Variants in MACROD1 observed in about 807,000 individuals in gnomAD.
MACROD1 encodes the protein ADP-ribose glycohydrolase MACROD1.
MACROD1 carries 31 observed loss-of-function variants against 41.4 expected under a neutral mutation model. That is an observed-to-expected ratio of 0.75 (90% confidence interval 0.56 to 1.01). The LOEUF (loss-of-function observed/expected upper bound fraction) is 1.01, where lower values mean the gene tolerates loss of function less well. Ranked by LOEUF, MACROD1 falls within the 50% of genes least tolerant of loss-of-function variation. The pLI is 0.00. For missense variants in MACROD1, 473 were observed against 460.0 expected (o/e 1.03, Z -0.26); for synonymous variants, 252 against 203.4 (o/e 1.24, Z -2.03).
chr11:64,079,371 C>T (rs755691137), intron 3 of MACROD1, among the ~76,000 whole-genome samples: 1 of 144,338 alleles, frequency 6.9e-6, no homozygotes, highest in Non-Finnish European at 1.5e-5. Flanking sequence ...AGATTTGGAG[C>T]AAGGGATGAT....
At chr11:64,135,876 G>A (rs1945324594) in intron 3 of MACROD1, among the ~76,000 whole-genome samples, 1 of 152,298 alleles carries the variant, frequency 6.6e-6, no homozygotes, top group Admixed American at 6.5e-5. Flanking sequence ...TTGGCACCCC[G>A]CGCCTGCCCT....
chr11:64,086,700 G>A (rs1468410318), intron 3 of MACROD1, among the ~76,000 whole-genome samples: 1 of 152,154 alleles, frequency 6.6e-6, no homozygotes, highest in Non-Finnish European at 1.5e-5. Flanking sequence ...ACAGAGAGGG[G>A]GAGAAGGGCA....
At chr11:64,135,515 T>C (rs72918491) in intron 3 of MACROD1, among the ~76,000 whole-genome samples, 6,574 of 152,312 alleles carry the variant, frequency 0.043, 177 homozygotes, top group Non-Finnish European at 0.064. Flanking sequence ...GAACCATCCC[T>C]GCATTTTATT....
chr11:64,065,449 A>G (rs1943980996), intron 3 of MACROD1, among the ~76,000 whole-genome samples: 1 of 152,150 alleles, frequency 6.6e-6, no homozygotes, highest in Non-Finnish European at 1.5e-5. Flanking sequence ...GAGGCTCCAG[A>G]GAGCCTGGCA....
Position 64,127,237 on chromosome 11 carries a change from C to T in MACROD1, c.517+24002G>A, listed in dbSNP as rs115077210. ...TTTGTCTATTTTCATAGAAAATGTC[C>T]AAGTCCACTTGCCTTGTTCTTTCTT... On this transcript the variant is annotated intron_variant, in intron 3 of 10. Transcript: ENST00000255681. Among the ~76,000 whole-genome samples, 555 of 152,356 alleles carry T rather than the reference C, an allele frequency of 3.6e-3. 1 individual carries two copies. Among genetic ancestry groups the T allele is most frequent in the African/African-American group, 0.013 (543 of 41,576 alleles).
intron 10 of MACROD1, 69 bp from the exon 11 acceptor site, chr11:63,998,756 C>T (rs1423493176): frequency 4.9e-6 from 7 of 1,425,194 alleles, no homozygotes; most frequent in Non-Finnish European, 6.4e-6. Context: ...CGTGGTTTCC[C>T]GCCCTGCTTG....
At position 64,120,792 on chromosome 11, in the gene MACROD1, C is replaced by T. The variant is rs925626396; in HGVS notation, c.517+30447G>A. Reference sequence around the variant, plus strand: ...AGGAGAGCGTGCCCGAGGTGTGCCACGTTGGCACAGGGGACAGAAGTCCCA... The same window carrying T: ...AGGAGAGCGTGCCCGAGGTGTGCCATGTTGGCACAGGGGACAGAAGTCCCA... On this transcript the variant is annotated intron_variant, in intron 3 of 10. Transcript: ENST00000255681. This position sits in a 1 kb window ranked among gnomAD's most constrained non-coding sequence, Gnocchi z 4.5. Among the ~76,000 whole-genome samples, 7 of 152,096 alleles carry T rather than the reference C, an allele frequency of 4.6e-5. 1 individual carries two copies. Among genetic ancestry groups the T allele is most frequent in the Non-Finnish European group, 1.0e-4 (7 of 68,000 alleles).
rs76253932 is a variant in MACROD1 at position 64,097,681 on chromosome 11, C to T, written c.517+53558G>A. 2.7e-3 allele frequency among the ~76,000 whole-genome samples: 409 copies of T among 152,366 alleles called. 6 individuals carry two copies. The East Asian group carries it at 0.06, about 22-fold the overall frequency. ...CACCACACAAGCAGGCTCTCGCCTC[C>T]GCCTCTTCTCACCCTGCTACTCGGG... On this transcript the variant is annotated intron_variant, in intron 3 of 10. Transcript: ENST00000255681.
chr11:63,998,975 A>C lies in MACROD1; in HGVS notation c.953T>G (p.Leu318Arg), dbSNP rs1262895155. ...EKDEDIYRSR[L>R]PHYFPVA Reference sequence around the variant, plus strand: ...CGTACCCACGGGGAAGTAGTGGGGGAGCCGGCTCCGGTAGATGTCCTCGTC... The same window carrying C: ...CGTACCCACGGGGAAGTAGTGGGGGCGCCGGCTCCGGTAGATGTCCTCGTC... The change falls in exon 9 of 11, where the codon CTC becomes CGC. Residue 318 changes from leucine (L) to arginine (R), a missense_variant. By Grantham distance (102) the Leu-to-Arg change is moderately radical. Coordinates refer to ENST00000255681, the MANE Select transcript of MACROD1 (RefSeq NM_014067.4). 7 of 1,604,246 alleles carry C rather than the reference A, an allele frequency of 4.4e-6. No homozygotes were observed. The highest frequency in any genetic ancestry group is 5.1e-6 in the Non-Finnish European group (6 of 1,177,076).
At chr11:64,023,860 C>T (rs560286786) in intron 3 of MACROD1, among the ~76,000 whole-genome samples, 6 of 152,232 alleles carry the variant, frequency 3.9e-5, no homozygotes, top group Non-Finnish European at 7.3e-5. Flanking sequence ...CCATAAAAGC[C>T]TCACAGTTCA....
intron 4 of MACROD1, among the ~76,000 whole-genome samples, chr11:64,004,182 CTGTGCGCCTCCCATGGAAGGATGT>C (rs1300154456): frequency 6.6e-6 from 1 of 152,212 alleles, no homozygotes; most frequent in Non-Finnish European, 1.5e-5. Context: ...AGCCCAGCAT[CTGTGCGCCTCCCATGGAAGGATGT>C]TGTGGAAGGA....
intron 3 of MACROD1, among the ~76,000 whole-genome samples, chr11:64,143,228 A>G (rs1011188737): frequency 2.0e-5 from 3 of 152,124 alleles, no homozygotes; most frequent in Non-Finnish European, 2.9e-5. Context: ...AAAGAAAGAA[A>G]AAAACCTGAT....
intron 4 of MACROD1, among the ~76,000 whole-genome samples, chr11:64,012,398 C>A (rs960791402): frequency 7.6e-6 from 1 of 131,028 alleles, no homozygotes; most frequent in Non-Finnish European, 1.5e-5. Context: ...TTCATTCATT[C>A]AATAAACTTT....
At chr11:64,021,883 C>G (rs1943157143) in intron 3 of MACROD1, among the ~76,000 whole-genome samples, 1 of 145,274 alleles carries the variant, frequency 6.9e-6, no homozygotes, top group Non-Finnish European at 1.5e-5. Context: ...CACAAGAATC[C>G]CTGTGAGTGC....
At chr11:64,066,941 C>A (rs1406739804) in intron 3 of MACROD1, among the ~76,000 whole-genome samples, 1 of 152,214 alleles carries the variant, frequency 6.6e-6, no homozygotes, top group Non-Finnish European at 1.5e-5. Context: ...AGGTGCTGCC[C>A]GCCCCAGTGC....
At chr11:64,069,682 G>A (rs944627707) in intron 3 of MACROD1, among the ~76,000 whole-genome samples, 1 of 152,146 alleles carries the variant, frequency 6.6e-6, no homozygotes, top group African/African-American at 2.4e-5. Flanking sequence ...TCCCTGCAGG[G>A]GCACAGGCAG....
intron 3 of MACROD1, among the ~76,000 whole-genome samples, chr11:64,132,904 T>A (rs1292556526): frequency 6.6e-6 from 1 of 152,130 alleles, no homozygotes; most frequent in Non-Finnish European, 1.5e-5. Flanking sequence ...AAGGCCCAGA[T>A]CTAAGCAGCT....
chr11:64,159,703 A>G (rs1376800176), intron 1 of MACROD1, among the ~76,000 whole-genome samples: 2 of 152,054 alleles, frequency 1.3e-5, no homozygotes, highest in African/African-American at 2.4e-5. Flanking sequence ...CTGAGGCAGG[A>G]TAATTGCCTG....
At chr11:64,097,853 G>A (rs1231906110) in intron 3 of MACROD1, among the ~76,000 whole-genome samples, 1 of 152,128 alleles carries the variant, frequency 6.6e-6, no homozygotes, top group Non-Finnish European at 1.5e-5. Flanking sequence ...TCAGGACCAG[G>A]CTTGGAGCCC....
Sources: allele counts gnomAD v4.1 joint callset (sites outside exome capture counted in the v4.1 genomes callset), GRCh38; gene constraint gnomAD v4.1.1; non-coding constraint Gnocchi (gnomAD v3.1); transcripts MANE v1.5; gene names NCBI Gene and HGNC (gene_info 2026-07-23, HGNC 2026-07-21).